Variants in CTNNA3 observed in about 807,000 individuals in gnomAD.
The protein encoded by CTNNA3 is catenin alpha 3, also known as catenin alpha-3.
In CTNNA3, 76 loss-of-function variants were observed where a neutral mutation model predicts 95.7. That is an observed-to-expected ratio of 0.79 (90% CI 0.66 to 0.96). CTNNA3 has a LOEUF of 0.96. Ranked by LOEUF, CTNNA3 falls within the 40% of genes least tolerant of loss-of-function variation. CTNNA3 has a pLI of 0.00. For missense variants in CTNNA3, 1,191 were observed against 1,089.8 expected (o/e 1.09, Z -1.31); for synonymous variants, 431 against 374.4 (o/e 1.15, Z -1.74).
chr10:67,726,962 T>TTA (rs376450997), intron 1 of CTNNA3, among the ~76,000 whole-genome samples: 26 of 113,412 alleles, frequency 2.3e-4, no homozygotes, highest in African/African-American at 9.2e-4. Flanking sequence ...TATTATATAA[T>TTA]TATATATATA....
At chr10:67,375,959 T>C (rs952294453) in intron 5 of CTNNA3, among the ~76,000 whole-genome samples, 2 of 152,112 alleles carry the variant, frequency 1.3e-5, no homozygotes, top group African/African-American at 4.8e-5. Flanking sequence ...TCAGTGCTCT[T>C]ATAAAAGAGG....
At chr10:67,508,322 A>G (rs1277544639) in intron 5 of CTNNA3, among the ~76,000 whole-genome samples, 6 of 152,076 alleles carry the variant, frequency 3.9e-5, no homozygotes, top group African/African-American at 1.4e-4. Context: ...GAAGGAATGT[A>G]TTTCAACACA....
chr10:67,554,980 C>A (rs1437669537), intron 3 of CTNNA3, among the ~76,000 whole-genome samples: 2 of 152,154 alleles, frequency 1.3e-5, no homozygotes, highest in African/African-American at 4.8e-5. Context: ...TATGGCTAGC[C>A]AGTTTTCCCA....
At chr10:66,420,269 A>G (rs1392201696) in intron 11 of CTNNA3, among the ~76,000 whole-genome samples, 4 of 152,226 alleles carry the variant, frequency 2.6e-5, no homozygotes, top group Non-Finnish European at 5.9e-5. Flanking sequence ...GCCAACAGGT[A>G]CATGGAAAAA....
intron 7 of CTNNA3, among the ~76,000 whole-genome samples, chr10:67,053,010 T>C (rs1487788514): frequency 2.0e-5 from 3 of 152,104 alleles, no homozygotes; most frequent in Non-Finnish European, 4.4e-5. Flanking sequence ...TAAAGAAAAA[T>C]AACATTAAAG....
At chr10:66,547,347 C>CTTTTTTTTTTTTTTTTTT (rs1296263060) in intron 10 of CTNNA3, among the ~76,000 whole-genome samples, 1 of 109,284 alleles carries the variant, frequency 9.2e-6, no homozygotes, top group African/African-American at 3.5e-5. Context: ...TTCTTTCTTT[C>CTTTTTTTTTTTTTTTTTT]TTTTTTTTTT....
In CTNNA3 at chr10:67,685,095, G is replaced by A. The variant is rs184957927; in HGVS notation, c.-6+10905C>T. ...AGTCTATTTGGGATTGTAGAGTAAGGATAGATTTTGTTATTTCTTGCAAAC... is the reference window on the plus strand; with the variant it reads ...AGTCTATTTGGGATTGTAGAGTAAGAATAGATTTTGTTATTTCTTGCAAAC... On this transcript the variant is annotated intron_variant, in intron 1 of 17. Transcript: ENST00000433211. Among the ~76,000 whole-genome samples, 7 of 152,322 alleles carry A rather than the reference G, an allele frequency of 4.6e-5. No homozygotes were observed. In the East Asian group the frequency reaches 1.4e-3, roughly 29 times the overall value.
chr10:66,455,423 C>A (rs1335830778), intron 11 of CTNNA3, among the ~76,000 whole-genome samples: 2 of 152,066 alleles, frequency 1.3e-5, no homozygotes, highest in African/African-American at 4.8e-5. Context: ...AGGTAGGAGA[C>A]CAGCAGGACT....
At chr10:66,458,587 C>T (rs977753583) in intron 11 of CTNNA3, among the ~76,000 whole-genome samples, 2 of 152,098 alleles carry the variant, frequency 1.3e-5, no homozygotes, top group Non-Finnish European at 2.9e-5. Flanking sequence ...ACTTTCCATT[C>T]TCCCCTCCCC....
chr10:66,480,759 CAT>C (rs1025500226), intron 11 of CTNNA3, among the ~76,000 whole-genome samples: 1 of 152,048 alleles, frequency 6.6e-6, no homozygotes, highest in African/African-American at 2.4e-5. Context: ...TGCGTGCCAC[CAT>C]GCCCGGTTAA....
chr10:67,583,515 G>A (rs1364982619), intron 3 of CTNNA3, among the ~76,000 whole-genome samples: 1 of 152,012 alleles, frequency 6.6e-6, no homozygotes, highest in Non-Finnish European at 1.5e-5. Context: ...TTCAATTTTG[G>A]TGAATCTGAC....
At chr10:66,644,528 G>A (rs1845638571) in intron 9 of CTNNA3, among the ~76,000 whole-genome samples, 1 of 148,952 alleles carries the variant, frequency 6.7e-6, no homozygotes, top group South Asian at 2.1e-4. Context: ...GTAAATGTCT[G>A]AAATAAATTT....
chr10:66,971,660 A>G (rs1337062806), intron 7 of CTNNA3, among the ~76,000 whole-genome samples: 1 of 152,162 alleles, frequency 6.6e-6, no homozygotes, highest in East Asian at 1.9e-4. Flanking sequence ...AAATGTCATC[A>G]TTATAACTGT....
At chr10:66,978,051 CACAT>C (rs58270904) in intron 7 of CTNNA3, among the ~76,000 whole-genome samples, 37 of 113,350 alleles carry the variant, frequency 3.3e-4, no homozygotes, top group South Asian at 2.5e-3. Context: ...AATTTGCACA[CACAT>C]ATATATATAT....
chr10:67,237,966 G>A lies in CTNNA3; in HGVS notation c.580-18096C>T, dbSNP rs181291907. ...GGAGAGATCCAGGAAATTTTTAGGAGGTACAAATGGTAGGATTTTGGTATA... is the reference window on the plus strand; with the variant it reads ...GGAGAGATCCAGGAAATTTTTAGGAAGTACAAATGGTAGGATTTTGGTATA... On this transcript the variant is annotated intron_variant, in intron 5 of 17. Coordinates refer to ENST00000433211, the MANE Select transcript of CTNNA3 (RefSeq NM_013266.4). Among the ~76,000 whole-genome samples, 311 of 152,162 alleles carry A rather than the reference G, an allele frequency of 2.0e-3. 2 individuals are homozygous for A. The highest frequency in any genetic ancestry group is 7.2e-3 in the African/African-American group (297 of 41,508).
intron 7 of CTNNA3, among the ~76,000 whole-genome samples, chr10:66,805,566 G>A (rs1205848431): frequency 2.7e-5 from 4 of 149,952 alleles, no homozygotes; most frequent in Admixed American, 2.0e-4. Flanking sequence ...AATAATAATG[G>A]TAATTTATGG....
At chr10:67,124,374 GGTCTATAAA>G (rs1859615052) in intron 7 of CTNNA3, among the ~76,000 whole-genome samples, 1 of 139,472 alleles carries the variant, frequency 7.2e-6, no homozygotes, top group Non-Finnish European at 1.5e-5. Context: ...GTGTGTGTGT[GGTCTATAAA>G]TGACTGTGGA....
At chr10:67,164,583 A>G (rs1861680244) in intron 7 of CTNNA3, among the ~76,000 whole-genome samples, 1 of 152,176 alleles carries the variant, frequency 6.6e-6, no homozygotes, top group South Asian at 2.1e-4. Flanking sequence ...GAAAAAATAG[A>G]TAAAGCTTAC....
chr10:66,194,859 T>G (rs1298957936), intron 13 of CTNNA3, among the ~76,000 whole-genome samples: 2 of 152,308 alleles, frequency 1.3e-5, no homozygotes, highest in Non-Finnish European at 2.9e-5. Flanking sequence ...TCAGGCTCTA[T>G]CCTGCCTTTT....
Sources: gnomAD v4.1 joint callset for allele counts (sites outside exome capture counted in the v4.1 genomes callset) on GRCh38, gnomAD v4.1.1 for gene constraint, MANE v1.5 for transcripts, NCBI Gene and HGNC (gene_info 2026-07-23, HGNC 2026-07-21) for gene names.